Variants in SKIL observed in about 807,000 individuals in gnomAD.
SKIL encodes the protein SKI like proto-oncogene.
Under a neutral mutation model 69.6 loss-of-function variants are expected in SKIL, and 20 were observed. The ratio of observed to expected loss-of-function variants is 0.29; its 90% CI spans 0.20 to 0.42. SKIL has a LOEUF of 0.42. Among genes scored for constraint, SKIL ranks in the 10% least tolerant of loss-of-function variants. The pLI, the probability that SKIL is intolerant of heterozygous loss-of-function variation, is 1.00. For missense variants in SKIL, 745 were observed against 783.1 expected (o/e 0.95, Z 0.58); for synonymous variants, 310 against 279.9 (o/e 1.11, Z -1.08).
At chr3:170,361,917 A>C (rs1029731187) in intron 2 of SKIL, among the ~76,000 whole-genome samples, 2 of 152,106 alleles carry the variant, frequency 1.3e-5, no homozygotes, top group African/African-American at 4.8e-5. Flanking sequence ...TTTGGCACAC[A>C]TCTTGCTTCT....
chr3:170,387,431 A>G (rs978381917), intron 4 of SKIL, among the ~76,000 whole-genome samples: 3 of 152,172 alleles, frequency 2.0e-5, no homozygotes, highest in African/African-American at 4.8e-5. Flanking sequence ...GGAATTGTAC[A>G]ATATGTGGCT....
chr3:170,381,183 C>T, intron 2 of SKIL, 61 bp from the exon 3 acceptor site: 1 of 912,800 alleles, frequency 1.1e-6, no homozygotes. Flanking sequence ...CAGGTTGACA[C>T]ATAAAATTAA....
Position 170,390,209 on chromosome 3 carries a change from T to G in SKIL, c.1430-14T>G. ...GATATTCATACTTTGTTACTTGATT[T>G]TTTTCTCTCCAAGATGCATCAATCT... On this transcript the variant is annotated splice_polypyrimidine_tract_variant and intron_variant, in intron 4 of 6. Coordinates refer to ENST00000259119, the MANE Select transcript of SKIL (RefSeq NM_005414.5). The G allele has an allele frequency of 1.3e-6, 2 of 1,586,868 alleles. No homozygotes were observed. Among genetic ancestry groups the G allele is most frequent in the Non-Finnish European group, 1.7e-6 (2 of 1,158,398 alleles).
intron 4 of SKIL, among the ~76,000 whole-genome samples, chr3:170,387,284 G>A (rs1333012515): frequency 6.6e-6 from 1 of 152,028 alleles, no homozygotes; most frequent in Non-Finnish European, 1.5e-5. Context: ...GGCCCATAAT[G>A]TTTTCATCAC....
At position 170,396,018 on chromosome 3, in the gene SKIL, T is replaced by G. The variant is rs1320412892; in HGVS notation, c.*3601T>G. The G allele has an allele frequency of 6.6e-6, 1 of 151,696 alleles. No individual in the cohort carries two copies. Among genetic ancestry groups the G allele is most frequent in the Non-Finnish European group, 1.5e-5 (1 of 67,842 alleles). The allele number at this position is 151,696 out of a possible 1,614,324, so 9.4% of individuals were successfully genotyped here. A position where few individuals can be genotyped will look rare whatever the true frequency, so the allele number is the denominator to read the frequency against. ...TTTCATTTAAAAGGACAGTTTTTTT[T>G]TTTTTTTTGTAAATCCATTCATTGA... On this transcript the variant is annotated 3_prime_UTR_variant, in exon 7 of 7. Transcript: ENST00000259119.
At chr3:170,363,878 CAG>C (rs1736363038) in intron 2 of SKIL, among the ~76,000 whole-genome samples, 1 of 152,114 alleles carries the variant, frequency 6.6e-6, no homozygotes, top group Admixed American at 6.5e-5. Context: ...AGTTTGTGCT[CAG>C]AGATTATATT....
intron 4 of SKIL, among the ~76,000 whole-genome samples, chr3:170,389,658 T>C (rs756470975): frequency 7.9e-5 from 12 of 152,178 alleles, no homozygotes; most frequent in African/African-American, 1.4e-4. Context: ...GGCACCTTTG[T>C]CAACAACAAT....
chr3:170,359,150 C>T (rs1180836558), intron 1 of SKIL, among the ~76,000 whole-genome samples: 1 of 152,188 alleles, frequency 6.6e-6, no homozygotes, highest in Non-Finnish European at 1.5e-5. Flanking sequence ...ATATTCTGAA[C>T]TCGAAAGGCC....
rs1398922883 is a variant in SKIL, at chr3:170,384,549, T to C, written c.1213T>C (p.Cys405Arg). ...TGTTTTCAGCTACTACTTATACATG[T>C]GTGATAAAGTGGTTGCCCCAAATGT... ...FLHPSYYLYM[C>R]DKVVAPNVSL... The change falls in exon 4 of 7, where the codon TGT becomes CGT. Residue 405 changes from cysteine to arginine, a missense_variant. Coordinates refer to ENST00000259119, the MANE Select transcript of SKIL (RefSeq NM_005414.5). 1 of 1,579,774 alleles carries C rather than the reference T, an allele frequency of 6.3e-7. No homozygotes were observed. The highest frequency in any genetic ancestry group is 8.7e-7 in the Non-Finnish European group (1 of 1,151,934).
chr3:170,360,193 T>G lies in SKIL; in HGVS notation c.-139T>G. ...AAAACTAAGTCGCAAAATTTATTAA[T>G]TTAAGGGGCTCTCGCTTTGAAAGTT... On this transcript the variant is annotated 5_prime_UTR_variant, in exon 2 of 7. Transcript: ENST00000259119. The G allele has an allele frequency of 1.2e-6, 1 of 814,552 alleles. No individual in the cohort carries two copies. Among genetic ancestry groups the G allele is most frequent in the Non-Finnish European group, 1.9e-6 (1 of 527,018 alleles). The allele number at this position is 814,552 out of a possible 1,614,324, so 50.5% of individuals were successfully genotyped here. A position where few individuals can be genotyped will look rare whatever the true frequency, so the allele number is the denominator to read the frequency against.
chr3:170,365,686 A>C (rs770253071), intron 2 of SKIL, among the ~76,000 whole-genome samples: 2 of 151,326 alleles, frequency 1.3e-5, no homozygotes, highest in Non-Finnish European at 2.9e-5. Flanking sequence ...TCTGTGAGTC[A>C]TTGAGTTGGT....
rs762377614 is a variant in SKIL, at chr3:170,360,656, G to A, written c.325G>A (p.Ala109Thr). Residue 109 changes from alanine (A) to threonine (T), a missense_variant, in exon 2 of 7, where the codon GCT becomes ACT. Ala to Thr is a moderately conservative substitution (Grantham distance 58). Coordinates refer to ENST00000259119, the MANE Select transcript of SKIL (RefSeq NM_005414.5). The stretch of plus-strand genomic sequence containing the variant: ...GCTGGGTGGACCAGCAGCATTTTCT[G>A]CTCGGCATTCCCAAGAAAGCATGTC... ...SSLGGPAAFS[A>T]RHSQESMSPT... is the part of the protein sequence containing the mutation. 2.5e-6 allele frequency: 4 copies of A among 1,614,162 alleles called. No homozygotes were observed. The South Asian group carries it at 4.4e-5, about 18-fold the overall frequency.
At chr3:170,378,295 G>T (rs1737137423) in intron 2 of SKIL, among the ~76,000 whole-genome samples, 1 of 152,164 alleles carries the variant, frequency 6.6e-6, no homozygotes, top group Admixed American at 6.5e-5. Context: ...GTTTTGTTGA[G>T]GGCAGTGGGT....
intron 2 of SKIL, among the ~76,000 whole-genome samples, chr3:170,365,969 T>C (rs1333341321): frequency 6.6e-6 from 1 of 151,856 alleles, no homozygotes; most frequent in African/African-American, 2.4e-5. Context: ...CTGGCCAGGC[T>C]GATCTTGAAC....
chr3:170,361,555 G>C, intron 2 of SKIL, 126 bp downstream of exon 2: 1 of 772,640 alleles, frequency 1.3e-6, no homozygotes, highest in Non-Finnish European at 2.1e-6. Context: ...AATACCGATT[G>C]ATATATTTGT....
intron 4 of SKIL, 183 bp downstream of exon 4, chr3:170,384,948 G>A (rs950280091): frequency 2.7e-5 from 13 of 481,962 alleles, no homozygotes; most frequent in East Asian, 1.4e-4. Flanking sequence ...CTTTTCTAGC[G>A]TGGTGATAGC....
At chr3:170,387,263 C>T (rs1737682661) in intron 4 of SKIL, among the ~76,000 whole-genome samples, 1 of 152,098 alleles carries the variant, frequency 6.6e-6, no homozygotes, top group Non-Finnish European at 1.5e-5. Flanking sequence ...CTTAGGTGAT[C>T]CACCCGCCTC....
At chr3:170,363,050 CA>C (rs1225954038) in intron 2 of SKIL, among the ~76,000 whole-genome samples, 4 of 151,730 alleles carry the variant, frequency 2.6e-5, no homozygotes, top group Non-Finnish European at 5.9e-5. Flanking sequence ...TAAAATGTGG[CA>C]AACATTATTC....
intron 2 of SKIL, among the ~76,000 whole-genome samples, chr3:170,375,780 A>G (rs866521275): frequency 2.6e-5 from 4 of 151,926 alleles, no homozygotes; most frequent in African/African-American, 9.7e-5. Flanking sequence ...GGGTCTCTCT[A>G]TGTTGTCCAG....
Sources: allele counts gnomAD v4.1 joint callset (sites outside exome capture counted in the v4.1 genomes callset), GRCh38; gene constraint gnomAD v4.1.1; transcripts MANE v1.5; gene names NCBI Gene and HGNC (gene_info 2026-07-23, HGNC 2026-07-21).